TSNARE1: variants seen among roughly 807,000 people sequenced by gnomAD.
TSNARE1 encodes t-SNARE domain containing 1, also known as t-SNARE domain-containing protein 1.
A neutral mutation model predicts 62.0 loss-of-function variants in TSNARE1; 49 were observed. The observed-to-expected ratio is 0.79, with a 90% CI of 0.63 to 1.00. The LOEUF (loss-of-function observed/expected upper bound fraction) is 1.00, where lower values mean the gene tolerates loss of function less well. Among genes scored for constraint, TSNARE1 ranks in the 50% least tolerant of loss-of-function variants. TSNARE1 has a pLI of 0.00. For synonymous variants in TSNARE1, 328 were observed against 294.4 expected (o/e 1.11, Z -1.17); for missense variants, 755 against 700.1 (o/e 1.08, Z -0.88).
intron 13 of TSNARE1, among the ~76,000 whole-genome samples, chr8:142,222,914 A>ACTCG (rs1816480209): frequency 8.8e-6 from 1 of 114,026 alleles, no homozygotes. Flanking sequence ...TCATCCACTC[A>ACTCG]TTCACTCATT....
At chr8:142,242,947 C>CAAAAAAAAAAAAAAAAAAAAAAAA (rs35092120) in intron 12 of TSNARE1, among the ~76,000 whole-genome samples, 1 of 51,390 alleles carries the variant, frequency 1.9e-5, no homozygotes, top group Non-Finnish European at 3.5e-5. Context: ...AACTCTGTCT[C>CAAAAAAAAAAAAAAAAAAAAAAAA]AAAAAAAAAA....
intron 11 of TSNARE1, among the ~76,000 whole-genome samples, chr8:142,282,762 G>C (rs988945352): frequency 4.8e-5 from 7 of 146,886 alleles, no homozygotes; most frequent in Non-Finnish European, 8.9e-5. Flanking sequence ...GGCGGGGTCA[G>C]TGTCTGCCAA....
At chr8:142,283,499 G>A (rs1200723711) in intron 11 of TSNARE1, among the ~76,000 whole-genome samples, 25 of 107,144 alleles carry the variant, frequency 2.3e-4, no homozygotes, top group East Asian at 1.3e-3. Flanking sequence ...GTCAATGAGC[G>A]GAGGCGGGAC....
intron 12 of TSNARE1, chr8:142,271,799 G>C: frequency 1.4e-6 from 1 of 695,798 alleles, no homozygotes; most frequent in Non-Finnish European, 2.1e-6. Flanking sequence ...TGCACCTGGA[G>C]CTGTATGGGT....
At chr8:142,396,929 C>T (rs575644222) in intron 1 of TSNARE1, among the ~76,000 whole-genome samples, 14 of 152,232 alleles carry the variant, frequency 9.2e-5, no homozygotes, top group Non-Finnish European at 1.8e-4. Context: ...CCAGGTAGAG[C>T]AAGCTCTGTG....
intron 10 of TSNARE1, among the ~76,000 whole-genome samples, chr8:142,292,322 G>A (rs1282151614): frequency 1.3e-5 from 2 of 152,236 alleles, no homozygotes. Context: ...AGCGAGGCGA[G>A]GGCCGGAGAG....
At chr8:142,298,066 G>A (rs1825069918) in intron 10 of TSNARE1, among the ~76,000 whole-genome samples, 1 of 152,200 alleles carries the variant, frequency 6.6e-6, no homozygotes, top group African/African-American at 2.4e-5. Flanking sequence ...TCCGCACAGT[G>A]CTGAGCTGTG....
chr8:142,225,076 C>T (rs1816709865), intron 13 of TSNARE1, among the ~76,000 whole-genome samples: 1 of 152,110 alleles, frequency 6.6e-6, no homozygotes, highest in Admixed American at 6.5e-5. Flanking sequence ...CCAGGAGTTC[C>T]CCTGCTTGGC....
At chr8:142,251,793 T>G (rs1470526968) in intron 12 of TSNARE1, among the ~76,000 whole-genome samples, 326 of 69,644 alleles carry the variant, frequency 4.7e-3, no homozygotes, top group Non-Finnish European at 4.8e-3. Flanking sequence ...TTCTCTGTCT[T>G]CAGGGCCCGG....
chr8:142,256,566 CCATCACCAT>C (rs1563783183), intron 12 of TSNARE1, among the ~76,000 whole-genome samples: 6 of 103,910 alleles, frequency 5.8e-5, no homozygotes, highest in African/African-American at 2.0e-4. Context: ...ACCACCATCA[CCATCACCAT>C]CATCACCACC....
intron 13 of TSNARE1, among the ~76,000 whole-genome samples, chr8:142,218,158 C>G (rs866735839): frequency 6.2e-4 from 64 of 103,896 alleles, no homozygotes; most frequent in Middle Eastern, 5.4e-3. Context: ...CAGTGTGTGG[C>G]CAGGGTCAGG....
Position 142,351,721 on chromosome 8 carries a change from T to C in TSNARE1, c.88+2916A>G, listed in dbSNP as rs142792193. Among the ~76,000 whole-genome samples, 14 of 152,254 alleles carry C rather than the reference T, an allele frequency of 9.2e-5. No homozygotes were observed. The East Asian group carries it at 1.9e-3, about 21-fold the overall frequency. On this transcript the variant is annotated intron_variant, in intron 2 of 13. Transcript: ENST00000524325. ...AGTATTGAGAATTATAGCAAAACTA[T>C]AGAAATTAAGGTGGATTTTGGCACA...
intron 2 of TSNARE1, among the ~76,000 whole-genome samples, chr8:142,349,970 G>A (rs1283639115): frequency 6.7e-6 from 1 of 149,320 alleles, no homozygotes; most frequent in African/African-American, 2.5e-5. Flanking sequence ...AGGGCAGGCA[G>A]GGCAGGCAAG....
At chr8:142,311,902 T>C (rs571283218) in intron 9 of TSNARE1, among the ~76,000 whole-genome samples, 1 of 152,222 alleles carries the variant, frequency 6.6e-6, no homozygotes, top group Non-Finnish European at 1.5e-5. Context: ...TATTGTTCAA[T>C]ACCAGAACTC....
chr8:142,237,797 C>A (rs1274720993), intron 12 of TSNARE1, among the ~76,000 whole-genome samples: 1 of 152,168 alleles, frequency 6.6e-6, no homozygotes, highest in Non-Finnish European at 1.5e-5. Context: ...CTCTCCTGGA[C>A]CTCTCTCTCC....
chr8:142,373,149 A>T (rs1486055794), intron 1 of TSNARE1, among the ~76,000 whole-genome samples: 2 of 152,140 alleles, frequency 1.3e-5, no homozygotes, highest in African/African-American at 2.4e-5. Context: ...GAGAAGAAAG[A>T]GAGGAAGGGA....
intron 9 of TSNARE1, among the ~76,000 whole-genome samples, chr8:142,310,511 G>A (rs1205151148): frequency 6.6e-6 from 1 of 152,212 alleles, no homozygotes; most frequent in Non-Finnish European, 1.5e-5. Flanking sequence ...TCCACGTGGA[G>A]GGGGTTCTGT....
At chr8:142,366,929 G>A (rs949249415) in intron 1 of TSNARE1, among the ~76,000 whole-genome samples, 3 of 152,148 alleles carry the variant, frequency 2.0e-5, no homozygotes, top group Admixed American at 2.0e-4. Context: ...TAAAGTATCA[G>A]GATATAAAAT....
intron 13 of TSNARE1, among the ~76,000 whole-genome samples, chr8:142,217,428 C>T (rs986290160): frequency 3.9e-5 from 6 of 152,034 alleles, no homozygotes; most frequent in Admixed American, 3.3e-4. Context: ...TGGCTGACCC[C>T]ACAAGAGGCT....
Sources: allele counts gnomAD v4.1 joint callset (sites outside exome capture counted in the v4.1 genomes callset), GRCh38; gene constraint gnomAD v4.1.1; transcripts MANE v1.5; gene names NCBI Gene and HGNC (gene_info 2026-07-23, HGNC 2026-07-21).